Variants in PARP16 observed in about 807,000 individuals in gnomAD.
PARP16 encodes poly(ADP-ribose) polymerase family member 16, also known as protein mono-ADP-ribosyltransferase PARP16.
PARP16 carries 31 observed loss-of-function variants against 35.0 expected under a neutral mutation model. That is an observed-to-expected ratio of 0.88 (90% CI 0.66 to 1.19). The LOEUF (loss-of-function observed/expected upper bound fraction) is 1.19, where lower values mean the gene tolerates loss of function less well. Ranked by LOEUF, PARP16 falls within the 50% of genes most tolerant of loss-of-function variation. The pLI is 0.00. For synonymous variants in PARP16, 162 were observed against 169.5 expected (o/e 0.96, Z 0.34); for missense variants, 424 against 411.2 (o/e 1.03, Z -0.27).
chr15:65,244,336 G>A (rs2089153129), intron 3 of PARP16, among the ~76,000 whole-genome samples: 1 of 152,158 alleles, frequency 6.6e-6, no homozygotes, highest in South Asian at 2.1e-4. Flanking sequence ...CCAAGACTGG[G>A]TAATTTATAA....
At chr15:65,247,656 C>T (rs2089244101) in intron 3 of PARP16, among the ~76,000 whole-genome samples, 1 of 152,080 alleles carries the variant, frequency 6.6e-6, no homozygotes, top group East Asian at 1.9e-4. Context: ...AGCCTGTCTA[C>T]CCAGGCAAGG....
rs556058787 is a variant in PARP16, at chr15:65,267,678, C to CTTTTTTTTTTTTTTTT, written c.313-926_313-911dup. On this transcript the variant is annotated intron_variant, in intron 2 of 5. Coordinates refer to ENST00000649807, the MANE Select transcript of PARP16 (RefSeq NM_001316943.2). ...TGGAGATCACTTCTAATTTTCCTAA[C>CTTTTTTTTTTTTTTTT]TTTTTTTTTTTTTTTTTTTTTTTTT... Among the ~76,000 whole-genome samples, 2 of 53,034 alleles carry CTTTTTTTTTTTTTTTT rather than the reference C, an allele frequency of 3.8e-5. 1 individual carries two copies. The highest frequency in any genetic ancestry group is 6.5e-5 in the Non-Finnish European group (2 of 30,780). The allele number at this position is 53,034 out of a possible 152,430, so 34.8% of individuals were successfully genotyped here.
At chr15:65,264,088 C>T (rs1002822522) in intron 3 of PARP16, among the ~76,000 whole-genome samples, 1 of 152,176 alleles carries the variant, frequency 6.6e-6, no homozygotes, top group Non-Finnish European at 1.5e-5. Flanking sequence ...GGGCAAGGTA[C>T]GTTTTACTCT....
chr15:65,235,485 T>G (rs2088851958), intron 3 of PARP16, among the ~76,000 whole-genome samples: 2 of 151,816 alleles, frequency 1.3e-5, no homozygotes, highest in South Asian at 2.1e-4. Context: ...TCAATTAGAT[T>G]CTACCTCTTG....
At chr15:65,277,401 C>T (rs953507013) in intron 1 of PARP16, among the ~76,000 whole-genome samples, 60 of 152,356 alleles carry the variant, frequency 3.9e-4, no homozygotes, top group African/African-American at 1.3e-3. Flanking sequence ...AGGCCAACCA[C>T]ATCTTACTTA....
intron 3 of PARP16, among the ~76,000 whole-genome samples, chr15:65,238,290 G>C (rs942954769): frequency 1.3e-5 from 2 of 150,238 alleles, no homozygotes; most frequent in African/African-American, 4.9e-5. Context: ...TGCCTCAAAA[G>C]AAAAAAAAAC....
intron 3 of PARP16, among the ~76,000 whole-genome samples, chr15:65,237,188 C>T (rs1793143858): frequency 6.6e-6 from 1 of 152,048 alleles, no homozygotes; most frequent in Admixed American, 6.6e-5. Context: ...CAGGCTGAAG[C>T]CAGCTGCAGC....
rs189343922 is a variant in PARP16 at position 65,282,786 on chromosome 15, C to T, written c.174+3467G>A. ...GGAGGTGGCTTTTTGGGGCAACCTA[C>T]GTTGCTGATGCTCTCTTAAGGGATT... On this transcript the variant is annotated intron_variant, in intron 1 of 5. Transcript: ENST00000649807. Among the ~76,000 whole-genome samples the T allele has an allele frequency of 3.6e-3, 552 of 152,218 alleles. 5 individuals carry two copies. Among genetic ancestry groups the T allele is most frequent in the African/African-American group, 0.012 (509 of 41,510 alleles).
chr15:65,240,407 T>C (rs1043125700), intron 3 of PARP16, among the ~76,000 whole-genome samples: 4 of 151,454 alleles, frequency 2.6e-5, no homozygotes, highest in East Asian at 1.9e-4. Context: ...AATTTTTTTG[T>C]AGAATGGGGT....
At chr15:65,277,720 G>A (rs2090298665) in intron 1 of PARP16, among the ~76,000 whole-genome samples, 1 of 152,144 alleles carries the variant, frequency 6.6e-6, no homozygotes, top group Non-Finnish European at 1.5e-5. Context: ...GAAATTTAGT[G>A]GTGGACTGAA....
rs146315956 is a variant in PARP16 at position 65,270,794 on chromosome 15, C to G, written c.312+141G>C. ...GACTCCAGACACAGAACTAGAAAGT[C>G]TAAAGGTGAGGACCAGGACTCTGCA... On this transcript the variant is annotated intron_variant, in intron 2 of 5. Coordinates refer to ENST00000649807, the MANE Select transcript of PARP16 (RefSeq NM_001316943.2). 877 of 791,268 alleles carry G rather than the reference C, an allele frequency of 1.1e-3. 6 individuals carry two copies. The highest frequency in any genetic ancestry group is 9.5e-3 in the East Asian group (385 of 40,598). 49.0% of individuals were successfully genotyped at this position (791,268 alleles called of 1,614,324 possible). A position where few individuals can be genotyped will look rare whatever the true frequency, so the allele number is the denominator to read the frequency against.
downstream of PARP16, among the ~76,000 whole-genome samples, chr15:65,232,658 T>G (rs1595970311): frequency 6.6e-6 from 1 of 152,066 alleles, no homozygotes; most frequent in East Asian, 1.9e-4. Context: ...ATCCCTACAC[T>G]TAGGGAGGCA....
At chr15:65,261,124 G>A (rs1001032786) in intron 4 of PARP16, 98 bp from the exon 5 acceptor site, 6 of 1,161,104 alleles carry the variant, frequency 5.2e-6, no homozygotes, top group South Asian at 1.4e-5. Context: ...TGCTGAGGGG[G>A]AAGAAGGCCT....
At chr15:65,242,599 G>A (rs2140739994) in intron 3 of PARP16, among the ~76,000 whole-genome samples, 1 of 152,240 alleles carries the variant, frequency 6.6e-6, no homozygotes, top group African/African-American at 2.4e-5. Context: ...ATTATAGATT[G>A]TTTTTATAAT....
intron 1 of PARP16, among the ~76,000 whole-genome samples, chr15:65,274,993 G>T (rs1280279788): frequency 6.6e-6 from 1 of 151,902 alleles, no homozygotes. Flanking sequence ...GCAGGCACCT[G>T]AATCCCAGCT....
chr15:65,255,723 G>A (rs1283800016), downstream of PARP16, among the ~76,000 whole-genome samples: 3 of 146,230 alleles, frequency 2.1e-5, no homozygotes, highest in Non-Finnish European at 3.0e-5. Flanking sequence ...TGGGATGTAT[G>A]GGGTGGAGCA....
At chr15:65,265,247 C>T (rs1364809446) in intron 3 of PARP16, among the ~76,000 whole-genome samples, 1 of 152,232 alleles carries the variant, frequency 6.6e-6, no homozygotes, top group Non-Finnish European at 1.5e-5. Flanking sequence ...CCCTAGATGC[C>T]CCTCCATCAG....
chr15:65,284,139 T>G (rs566684112), intron 1 of PARP16, among the ~76,000 whole-genome samples: 3 of 152,170 alleles, frequency 2.0e-5, no homozygotes, highest in Non-Finnish European at 4.4e-5. Flanking sequence ...TGATTCTAAA[T>G]ACCTCCTTTA....
intron 4 of PARP16, among the ~76,000 whole-genome samples, chr15:65,261,406 A>C (rs1405204155): frequency 1.4e-5 from 2 of 147,476 alleles, no homozygotes; most frequent in Non-Finnish European, 3.0e-5. Context: ...TATATATTTT[A>C]TATATAAAAT....
Sources: allele counts gnomAD v4.1 joint callset (sites outside exome capture counted in the v4.1 genomes callset), GRCh38; gene constraint gnomAD v4.1.1; transcripts MANE v1.5; gene names NCBI Gene and HGNC (gene_info 2026-07-23, HGNC 2026-07-21).